The following LNPK variants were observed in gnomAD, a reference collection of about 807,000 sequenced individuals.
LNPK encodes the protein endoplasmic reticulum junction formation protein lunapark.
In LNPK, 29 loss-of-function variants were observed where a neutral mutation model predicts 55.2. The ratio of observed to expected loss-of-function variants is 0.53; its 90% CI spans 0.39 to 0.72. LNPK has a LOEUF of 0.72. Among genes scored for constraint, LNPK ranks in the 30% least tolerant of loss-of-function variants. The pLI, the probability that LNPK is intolerant of heterozygous loss-of-function variation, is 0.00. For missense variants in LNPK, 467 were observed against 494.8 expected, an observed-to-expected ratio of 0.94 and a Z score of 0.53; for synonymous variants, 162 against 168.2, an observed-to-expected ratio of 0.96 and a Z score of 0.29.
rs548518549 is a variant in LNPK at position 175,943,137 on chromosome 2, T to A, written c.707-3480A>T. On this transcript the variant is annotated intron_variant, in intron 9 of 12. Coordinates refer to ENST00000272748, the MANE Select transcript of LNPK (RefSeq NM_030650.3). ...GAAGATAAAAATAATTATGTTAAAA[T>A]TTTGTTAGGAATTTTTGCCCCTATG... Among the ~76,000 whole-genome samples, 21 of 151,660 alleles carry A rather than the reference T, an allele frequency of 1.4e-4. No individual in the cohort carries two copies. In the South Asian group the frequency reaches 3.1e-3, roughly 22 times the overall value.
rs987162269 is a variant in LNPK at position 175,928,339 on chromosome 2, C to T, written c.*1628G>A. The T allele has an allele frequency of 6.6e-6, 1 of 151,700 alleles. No individual in the cohort carries two copies. Among genetic ancestry groups the T allele is most frequent in the Non-Finnish European group, 1.5e-5 (1 of 67,906 alleles). The allele number at this position is 151,700 out of a possible 1,614,324, so 9.4% of individuals were successfully genotyped here. On this transcript the variant is annotated 3_prime_UTR_variant, in exon 13 of 13. Coordinates refer to ENST00000272748, the MANE Select transcript of LNPK (RefSeq NM_030650.3). ...TACATTATTTTTAATTATCCTAATACCCTTCAAAAATAAACATAACTCTTC... is the reference window on the plus strand; with the variant it reads ...TACATTATTTTTAATTATCCTAATATCCTTCAAAAATAAACATAACTCTTC...
chr2:175,998,175 G>A (rs1402347844), intron 1 of LNPK, among the ~76,000 whole-genome samples: 1 of 152,128 alleles, frequency 6.6e-6, no homozygotes, highest in Non-Finnish European at 1.5e-5. Context: ...CGGGTGCGGT[G>A]GCTCACGCCT....
upstream of LNPK, chr2:176,002,374 G>T: frequency 2.7e-6 from 1 of 364,804 alleles, no homozygotes; most frequent in Non-Finnish European, 5.3e-6. Context: ...ACCCTGGGCG[G>T]GTAGTTGTTG....
chr2:175,985,551 A>G (rs1384661477), intron 4 of LNPK, among the ~76,000 whole-genome samples: 2 of 152,154 alleles, frequency 1.3e-5, no homozygotes, highest in Non-Finnish European at 2.9e-5. Context: ...GTATAAAGGC[A>G]TATCTTCCCG....
intron 5 of LNPK, among the ~76,000 whole-genome samples, chr2:175,972,712 G>C (rs778858582): frequency 2.6e-5 from 4 of 152,116 alleles, no homozygotes; most frequent in Non-Finnish European, 4.4e-5. Context: ...TTTCACAGAG[G>C]TAGTTACTGC....
chr2:175,974,889 A>C (rs1012477277), intron 5 of LNPK, among the ~76,000 whole-genome samples: 1 of 148,562 alleles, frequency 6.7e-6, no homozygotes, highest in African/African-American at 2.4e-5. Flanking sequence ...ATTTTAAAGC[A>C]AAAAAAAAAT....
At chr2:175,999,823 T>A (rs1688096094) in intron 1 of LNPK, among the ~76,000 whole-genome samples, 1 of 152,300 alleles carries the variant, frequency 6.6e-6, no homozygotes, top group Non-Finnish European at 1.5e-5. Flanking sequence ...TGGAGTGCAG[T>A]GGCACAATCT....
In LNPK at chr2:175,996,033, G is replaced by A. The variant is rs533261154; in HGVS notation, c.-62-387C>T. Among the ~76,000 whole-genome samples the A allele has an allele frequency of 4.1e-4, 62 of 151,966 alleles. 1 individual carries two copies. The South Asian group carries it at 0.012, about 30-fold the overall frequency. ...TTGCTATGTTGGCCAGGCTGGTCTT[G>A]AACTCCTGGCCTCAAGTGATCTGCC... On this transcript the variant is annotated intron_variant, in intron 1 of 12. Transcript: ENST00000272748.
chr2:175,957,357 CA>C (rs1559044888), intron 8 of LNPK, among the ~76,000 whole-genome samples: 1 of 151,678 alleles, frequency 6.6e-6, no homozygotes, highest in Non-Finnish European at 1.5e-5. Flanking sequence ...GACTTCATCT[CA>C]AAAAAAGAAA....
At chr2:175,974,783 G>A (rs940550256) in intron 5 of LNPK, among the ~76,000 whole-genome samples, 3 of 151,874 alleles carry the variant, frequency 2.0e-5, no homozygotes, top group African/African-American at 7.3e-5. Flanking sequence ...CTATGTGACT[G>A]CAAGACAATC....
chr2:175,939,098 T>C (rs950813316), intron 10 of LNPK, among the ~76,000 whole-genome samples: 1 of 152,082 alleles, frequency 6.6e-6, no homozygotes, highest in African/African-American at 2.4e-5. Context: ...ACTTTGACAA[T>C]TGCTCTGTAC....
intron 5 of LNPK, among the ~76,000 whole-genome samples, chr2:175,977,826 G>A (rs1686982582): frequency 6.6e-6 from 1 of 152,178 alleles, no homozygotes; most frequent in Non-Finnish European, 1.5e-5. Flanking sequence ...TAAAGGAAAT[G>A]TAGGGTTAGG....
At chr2:175,984,758 C>G (rs1320385732) in intron 4 of LNPK, among the ~76,000 whole-genome samples, 1 of 152,062 alleles carries the variant, frequency 6.6e-6, no homozygotes, top group East Asian at 1.9e-4. Context: ...TCACACCTAC[C>G]TAGTGGAAAT....
At chr2:175,943,463 C>A (rs1020397218) in intron 9 of LNPK, among the ~76,000 whole-genome samples, 3 of 151,708 alleles carry the variant, frequency 2.0e-5, no homozygotes, top group African/African-American at 7.2e-5. Context: ...AAAAAATAAA[C>A]AAAAAAACCA....
At chr2:175,997,799 G>A (rs1003797049) in intron 1 of LNPK, among the ~76,000 whole-genome samples, 4 of 150,936 alleles carry the variant, frequency 2.7e-5, no homozygotes, top group East Asian at 2.0e-4. Flanking sequence ...GCAGTGGTGC[G>A]ATCTTGGCTC....
chr2:175,985,612 T>C lies in LNPK; in HGVS notation c.258-5744A>G, dbSNP rs540722042. Among the ~76,000 whole-genome samples, 3 of 152,270 alleles carry C rather than the reference T, an allele frequency of 2.0e-5. No homozygotes were observed. The East Asian group carries it at 5.8e-4, about 29-fold the overall frequency. The stretch of plus-strand genomic sequence containing the variant: ...TACAGTAGTTCTCCCTTAATCTCAG[T>C]GATATATGTTCCATGACCCCCAGTG... On this transcript the variant is annotated intron_variant, in intron 4 of 12. Coordinates refer to ENST00000272748, the MANE Select transcript of LNPK (RefSeq NM_030650.3).
In LNPK at chr2:175,965,289, C is replaced by T. The variant is rs542564508; in HGVS notation, c.358-700G>A. Among the ~76,000 whole-genome samples, 3 of 152,246 alleles carry T rather than the reference C, an allele frequency of 2.0e-5. No homozygotes were observed. In the South Asian group the frequency reaches 6.2e-4, roughly 32 times the overall value. On this transcript the variant is annotated intron_variant, in intron 6 of 12. Transcript: ENST00000272748. ...CTTCATTATTGTAACGTTTTATTTACCATGCACTCAAGTCACTTTATAACT... is the reference window on the plus strand; with the variant it reads ...CTTCATTATTGTAACGTTTTATTTATCATGCACTCAAGTCACTTTATAACT...
At position 175,930,093 on chromosome 2, in the gene LNPK, C is replaced by T; in HGVS notation, c.1161G>A (p.Glu387=). 1 of 1,614,032 alleles carries T rather than the reference C, an allele frequency of 6.2e-7. No individual in the cohort carries two copies. Among genetic ancestry groups the T allele is most frequent in the Non-Finnish European group, 8.5e-7 (1 of 1,179,964 alleles). The part of the protein sequence containing the change: ...NQVIEKASDS[E]EPEEKQETEN... ...CAGTCTCTTGTTTCTCCTCTGGTTC[C>T]TCTGAGTCAGATGCTTTTTCAATCA... Residue 387 remains glutamate, a synonymous_variant, in exon 13 of 13, where the codon GAG becomes GAA. Coordinates refer to ENST00000272748, the MANE Select transcript of LNPK (RefSeq NM_030650.3).
At chr2:175,951,392 C>A (rs1212608914) in intron 8 of LNPK, among the ~76,000 whole-genome samples, 4 of 151,620 alleles carry the variant, frequency 2.6e-5, no homozygotes, top group Non-Finnish European at 5.9e-5. Flanking sequence ...CCCTGAGTCC[C>A]CAAAGTCCAT....
Sources: gnomAD v4.1 joint callset for allele counts (sites outside exome capture counted in the v4.1 genomes callset) on GRCh38, gnomAD v4.1.1 for gene constraint, MANE v1.5 for transcripts, NCBI Gene and HGNC (gene_info 2026-07-23, HGNC 2026-07-21) for gene names.